The following ZFP37 variants were observed in gnomAD, a reference collection of about 807,000 sequenced individuals.
ZFP37 encodes the protein ZFP37 zinc finger protein, also known as zinc finger protein 37 homolog.
In ZFP37, 38 loss-of-function variants were observed where a neutral mutation model predicts 52.1. That is an observed-to-expected ratio of 0.73 (90% CI 0.56 to 0.96). The LOEUF is 0.96. Among genes scored for constraint, ZFP37 ranks in the 40% least tolerant of loss-of-function variants. The pLI, the probability that ZFP37 is intolerant of heterozygous loss-of-function variation, is 0.00. For missense variants in ZFP37, 695 were observed against 741.4 expected, an observed-to-expected ratio of 0.94 and a Z score of 0.73; for synonymous variants, 253 against 259.5, an observed-to-expected ratio of 0.98 and a Z score of 0.24.
rs1313984039 is a variant in ZFP37, at chr9:113,040,955, TG to T, written c.*1769del. The T allele has an allele frequency of 6.6e-6, 1 of 150,734 alleles. No homozygotes were observed. Among genetic ancestry groups the T allele is most frequent in the Non-Finnish European group, 1.5e-5 (1 of 67,904 alleles). 9.3% of individuals were successfully genotyped at this position (150,734 alleles called of 1,614,324 possible). On this transcript the variant is annotated 3_prime_UTR_variant, in exon 4 of 4. Coordinates refer to ENST00000374227, the MANE Select transcript of ZFP37 (RefSeq NM_003408.3). Reference sequence around the variant, plus strand: ...TAGTTCAGAAGTTTTGTGCATTTTTTGTATTTCTTTTTTTTGAGACAGAGCC... The same window carrying T: ...TAGTTCAGAAGTTTTGTGCATTTTTTTATTTCTTTTTTTTGAGACAGAGCC...
At chr9:113,054,870 C>G (rs7028375) in intron 1 of ZFP37, among the ~76,000 whole-genome samples, 6,918 of 152,218 alleles carry the variant, frequency 0.045, 524 homozygotes, top group African/African-American at 0.16. Context: ...CCTAACTGAC[C>G]TCCCTATATC....
At position 113,043,716 on chromosome 9, in the gene ZFP37, AC is replaced by A. The variant is rs772640625; in HGVS notation, c.901del (p.Val301PhefsTer28). On this transcript the variant is annotated frameshift_variant, in exon 4 of 4. Transcript: ENST00000374227. LOFTEE classifies it high-confidence loss of function. ...KPYECNQCGK[V>X]LSHKQGLIDH... ...AATGAGTCCTTGTTTATGGCTGAGA[AC>A]CTTTCCACATTGATTACATTCATAG... 4.6e-5 allele frequency: 74 copies of A among 1,613,830 alleles called. No homozygotes were observed. The highest frequency in any genetic ancestry group is 5.6e-5 in the Non-Finnish European group (66 of 1,179,952).
chr9:113,055,762 C>A (rs1300249533), intron 1 of ZFP37, among the ~76,000 whole-genome samples: 1 of 152,120 alleles, frequency 6.6e-6, no homozygotes, highest in East Asian at 1.9e-4. Flanking sequence ...AACCCTCAAT[C>A]ATTAAATGCA....
At chr9:113,044,622 C>T (rs1734834784) in intron 3 of ZFP37, among the ~76,000 whole-genome samples, 1 of 151,990 alleles carries the variant, frequency 6.6e-6, no homozygotes, top group African/African-American at 2.4e-5. Flanking sequence ...GCCCAAGCTG[C>T]CCAGTTCTGA....
intron 1 of ZFP37, among the ~76,000 whole-genome samples, chr9:113,051,458 T>C (rs567176487): frequency 1.1e-4 from 17 of 152,014 alleles, no homozygotes; most frequent in African/African-American, 4.1e-4. Flanking sequence ...TTTTTTGCAG[T>C]GGGGTGGGGG....
intron 1 of ZFP37, among the ~76,000 whole-genome samples, chr9:113,050,578 G>T (rs1829040199): frequency 6.6e-6 from 1 of 151,940 alleles, no homozygotes; most frequent in Admixed American, 6.6e-5. Context: ...TGAGGTAGAA[G>T]AATTGAGACC....
intron 3 of ZFP37, among the ~76,000 whole-genome samples, chr9:113,045,834 G>A (rs1415630649): frequency 6.6e-6 from 1 of 152,128 alleles, no homozygotes; most frequent in African/African-American, 2.4e-5. Flanking sequence ...ATTTAGGGGT[G>A]TCATTTTTCA....
In ZFP37 at chr9:113,043,088, A is replaced by G; in HGVS notation, c.1530T>C (p.Thr510=). 1.9e-6 allele frequency: 3 copies of G among 1,613,628 alleles called. No individual in the cohort carries two copies. The highest frequency in any genetic ancestry group is 2.5e-6 in the Non-Finnish European group (3 of 1,179,956). The change falls in exon 4 of 4, where the codon ACT becomes ACC. Residue 510 remains threonine (T), a synonymous_variant. Transcript: ENST00000374227. ...ATTCAAAGGGACTTTCACCTGTATG[A>G]GTTCTCATATGGTAAGTAAGAGATG... The part of the protein sequence containing the change: ...HSSSLTYHMR[T]HTGESPFECN...
chr9:113,045,474 T>C (rs1273241151), intron 3 of ZFP37, among the ~76,000 whole-genome samples: 1 of 152,212 alleles, frequency 6.6e-6, no homozygotes, highest in Non-Finnish European at 1.5e-5. Context: ...TATTTGTTCT[T>C]TTCAGGTCTT....
intron 1 of ZFP37, among the ~76,000 whole-genome samples, chr9:113,050,204 G>C (rs1377717692): frequency 6.6e-6 from 1 of 151,996 alleles, no homozygotes; most frequent in Non-Finnish European, 1.5e-5. Flanking sequence ...GGGCAACATG[G>C]CAAAACTCCA....
chr9:113,052,145 T>C lies in ZFP37; in HGVS notation c.133-2273A>G, dbSNP rs1159356026. On this transcript the variant is annotated intron_variant, in intron 1 of 3. Coordinates refer to ENST00000374227, the MANE Select transcript of ZFP37 (RefSeq NM_003408.3). This position sits in a 1 kb window ranked among gnomAD's most constrained non-coding sequence, Gnocchi z 4.1. ...GAAACTCTAATTACTGCCAGCAAAT[T>C]CCACTCCTCCCTCAACCTCTTTAGC... Among the ~76,000 whole-genome samples, 1 of 152,122 alleles carries C rather than the reference T, an allele frequency of 6.6e-6. No individual in the cohort carries two copies. Among genetic ancestry groups the C allele is most frequent in the Non-Finnish European group, 1.5e-5 (1 of 68,000 alleles).
chr9:113,043,588 T>C lies in ZFP37; in HGVS notation c.1030A>G (p.Thr344Ala), dbSNP rs760645534. ...ATACATTCATATGGTTTTTCTCCGG[T>C]GTGAGTTCTCTGATGTACAACAAGG... is the stretch of plus-strand genomic sequence containing the variant. ...SHLVVHQRTH[T>A]GEKPYECIQC... The change falls in exon 4 of 4, where the codon ACC becomes GCC. Residue 344 changes from threonine (T) to alanine (A), a missense_variant. Physicochemically the swap from Thr to Ala is moderately conservative, Grantham distance 58. Coordinates refer to ENST00000374227, the MANE Select transcript of ZFP37 (RefSeq NM_003408.3). 1 of 1,614,080 alleles carries C rather than the reference T, an allele frequency of 6.2e-7. No homozygotes were observed. The highest frequency in any genetic ancestry group is 8.5e-7 in the Non-Finnish European group (1 of 1,179,952).
chr9:113,046,279 T>C (rs545726396), intron 3 of ZFP37, among the ~76,000 whole-genome samples: 77 of 150,468 alleles, frequency 5.1e-4, no homozygotes, highest in Non-Finnish European at 7.4e-4. Context: ...GGCAGATATA[T>C]ATCTATATAT....
chr9:113,047,153 G>A (rs952750486), intron 3 of ZFP37, among the ~76,000 whole-genome samples: 1 of 151,714 alleles, frequency 6.6e-6, no homozygotes, highest in African/African-American at 2.4e-5. Flanking sequence ...GAGAGTCACT[G>A]TAGCAATTAT....
rs1828850754 is a variant in ZFP37, at chr9:113,041,755, AGATCTCACATGTT to A, written c.*957_*969del. ...AAGATTTTAACTCTGTCAAAATCTGAGATCTCACATGTTGATCTCACATGTTGTGGAGGGGCTC... is the reference window on the plus strand; with the variant it reads ...AAGATTTTAACTCTGTCAAAATCTGAGATCTCACATGTTGTGGAGGGGCTC... On this transcript the variant is annotated 3_prime_UTR_variant, in exon 4 of 4. Transcript: ENST00000374227. 1 of 152,220 alleles carries A rather than the reference AGATCTCACATGTT, an allele frequency of 6.6e-6. No individual in the cohort carries two copies. Among genetic ancestry groups the A allele is most frequent in the Non-Finnish European group, 1.5e-5 (1 of 68,032 alleles). The allele number at this position is 152,220 out of a possible 1,614,324, so 9.4% of individuals were successfully genotyped here.
chr9:113,051,018 G>C (rs983356499), intron 1 of ZFP37, among the ~76,000 whole-genome samples: 3 of 152,134 alleles, frequency 2.0e-5, no homozygotes, highest in Non-Finnish European at 4.4e-5. Flanking sequence ...AATAGAGGAA[G>C]GGGGAAGGGG....
At chr9:113,044,653 A>G (rs1159001044) in intron 3 of ZFP37, among the ~76,000 whole-genome samples, 1 of 152,060 alleles carries the variant, frequency 6.6e-6, no homozygotes, top group African/African-American at 2.4e-5. Flanking sequence ...GCTGGCCATA[A>G]TATATTGCTC....
chr9:113,046,144 A>C (rs559549678), intron 3 of ZFP37, among the ~76,000 whole-genome samples: 107 of 150,398 alleles, frequency 7.1e-4, no homozygotes, highest in Non-Finnish European at 9.9e-4. Context: ...ATATCTGTCT[A>C]TATATATAGA....
intron 3 of ZFP37, among the ~76,000 whole-genome samples, chr9:113,048,318 C>A (rs146423695): frequency 6.6e-6 from 1 of 152,016 alleles, no homozygotes; most frequent in Non-Finnish European, 1.5e-5. Context: ...TAACTCAGGG[C>A]AGGAGCATCA....
Sources: gnomAD v4.1 joint callset for allele counts (sites outside exome capture counted in the v4.1 genomes callset) on GRCh38, gnomAD v4.1.1 for gene constraint, Gnocchi (gnomAD v3.1) non-coding constraint, MANE v1.5 for transcripts, NCBI Gene and HGNC (gene_info 2026-07-23, HGNC 2026-07-21) for gene names.